PDE1A: variants seen among roughly 807,000 people sequenced by gnomAD.
The protein encoded by PDE1A is phosphodiesterase 1A.
Under a neutral mutation model 61.7 loss-of-function variants are expected in PDE1A, and 35 were observed. The ratio of observed to expected loss-of-function variants is 0.57; its 90% CI spans 0.43 to 0.75. The LOEUF is 0.75. Among genes scored for constraint, PDE1A ranks in the 30% least tolerant of loss-of-function variants. PDE1A has a pLI of 0.00. For synonymous variants in PDE1A, 232 were observed against 213.2 expected (o/e 1.09, Z -0.77); for missense variants, 597 against 630.6 (o/e 0.95, Z 0.57).
chr2:182,372,279 C>T (rs1700163590), intron 1 of PDE1A, among the ~76,000 whole-genome samples: 1 of 152,142 alleles, frequency 6.6e-6, no homozygotes, highest in African/African-American at 2.4e-5. Context: ...TTGTGTTTGA[C>T]ATTACATAGG....
intron 7 of PDE1A, among the ~76,000 whole-genome samples, chr2:182,210,869 G>GTGAC (rs1440378508): frequency 6.6e-6 from 1 of 151,034 alleles, no homozygotes; most frequent in East Asian, 1.9e-4. Context: ...TTATGCTGAT[G>GTGAC]TGACAGAATA....
intron 1 of PDE1A, among the ~76,000 whole-genome samples, chr2:182,343,874 T>A (rs200252863): frequency 0.022 from 1 of 46 alleles, no homozygotes; most frequent in African/African-American, 0.023. Context: ...TTTCTTTTTC[T>A]TTTTTTTTTT....
At chr2:182,444,406 C>G (rs1369227769) in intron 2 of PDE1A, among the ~76,000 whole-genome samples, 1 of 152,066 alleles carries the variant, frequency 6.6e-6, no homozygotes, top group Non-Finnish European at 1.5e-5. Flanking sequence ...AGCACTTATA[C>G]TTCTTTTCAT....
intron 2 of PDE1A, among the ~76,000 whole-genome samples, chr2:182,508,904 C>T (rs1357343892): frequency 6.6e-6 from 1 of 150,548 alleles, no homozygotes; most frequent in Non-Finnish European, 1.5e-5. Flanking sequence ...TGGTGCACTG[C>T]ACCCACTAAC....
chr2:182,505,124 G>T (rs1158309260), intron 2 of PDE1A, among the ~76,000 whole-genome samples: 1 of 152,168 alleles, frequency 6.6e-6, no homozygotes, highest in Non-Finnish European at 1.5e-5. Context: ...CACTCACTAA[G>T]AATTCTCCAG....
chr2:182,328,033 T>C (rs968821384), intron 1 of PDE1A, among the ~76,000 whole-genome samples: 1 of 152,134 alleles, frequency 6.6e-6, no homozygotes, highest in Non-Finnish European at 1.5e-5. Context: ...TATGCGAATA[T>C]AGGTGCTGTT....
intron 2 of PDE1A, among the ~76,000 whole-genome samples, chr2:182,249,807 T>C (rs1460670884): frequency 1.3e-5 from 2 of 148,592 alleles, no homozygotes; most frequent in Admixed American, 6.9e-5. Context: ...GCTTCAGAAC[T>C]GTTTGAGGAT....
intron 1 of PDE1A, among the ~76,000 whole-genome samples, chr2:182,352,080 A>T (rs1014446110): frequency 1.3e-5 from 2 of 152,196 alleles, no homozygotes; most frequent in Non-Finnish European, 2.9e-5. Flanking sequence ...CCGTGTGTGC[A>T]CCAAGACTGT....
At chr2:182,606,627 G>A in the PDE1A span, among the ~76,000 whole-genome samples, 4 of 151,980 alleles carry the variant, frequency 2.6e-5, no homozygotes, top group Non-Finnish European at 5.9e-5. Context: ...AGAAAAAGAA[G>A]ACAGGAAATA....
At chr2:182,473,118 C>T (rs186407189) in intron 2 of PDE1A, among the ~76,000 whole-genome samples, 8 of 151,784 alleles carry the variant, frequency 5.3e-5, no homozygotes, top group African/African-American at 1.4e-4. Context: ...TCCCTCCCCC[C>T]TCAACCCCAC....
chr2:182,419,813 CT>C (rs1703160865), intron 1 of PDE1A, among the ~76,000 whole-genome samples: 2 of 152,238 alleles, frequency 1.3e-5, no homozygotes, highest in South Asian at 4.1e-4. Flanking sequence ...CCATATCCTA[CT>C]TCACATATTT....
intron 10 of PDE1A, among the ~76,000 whole-genome samples, chr2:182,191,367 A>T (rs1048905582): frequency 1.3e-5 from 2 of 152,130 alleles, no homozygotes; most frequent in Admixed American, 6.5e-5. Context: ...TGCAAGAATA[A>T]TGTCATCAAT....
the PDE1A span, among the ~76,000 whole-genome samples, chr2:182,622,876 A>G: frequency 6.6e-6 from 1 of 152,222 alleles, no homozygotes; most frequent in Non-Finnish European, 1.5e-5. Context: ...GGACATATTC[A>G]GAGATGGAGT....
intron 1 of PDE1A, among the ~76,000 whole-genome samples, chr2:182,405,219 G>A (rs1285371445): frequency 6.6e-6 from 1 of 152,082 alleles, no homozygotes; most frequent in Non-Finnish European, 1.5e-5. Context: ...ATGACTCAGT[G>A]GCAAAGCCCT....
At chr2:182,350,748 G>C (rs1348547951) in intron 1 of PDE1A, among the ~76,000 whole-genome samples, 2 of 152,104 alleles carry the variant, frequency 1.3e-5, no homozygotes, top group Non-Finnish European at 2.9e-5. Flanking sequence ...CTCATCTGTA[G>C]AGTGGGGCAT....
intron 10 of PDE1A, among the ~76,000 whole-genome samples, chr2:182,198,369 C>T (rs1006062085): frequency 4.6e-5 from 7 of 151,764 alleles, no homozygotes; most frequent in Non-Finnish European, 1.0e-4. Context: ...TTATTACCTT[C>T]CTACACTGGC....
At chr2:182,522,229 A>G (rs1328656353) in intron 2 of PDE1A, 2 of 1,493,552 alleles carry the variant, frequency 1.3e-6, no homozygotes, top group Non-Finnish European at 1.9e-6. Flanking sequence ...AGTCACGTTA[A>G]TAGTCAAATC....
chr2:182,302,087 T>G (rs1257104292), intron 1 of PDE1A, among the ~76,000 whole-genome samples: 1 of 152,216 alleles, frequency 6.6e-6, no homozygotes, highest in Non-Finnish European at 1.5e-5. Context: ...GTGAAGTTAA[T>G]GGAGGCAACA....
At chr2:182,277,051 G>A (rs962787781) in intron 1 of PDE1A, among the ~76,000 whole-genome samples, 3 of 152,028 alleles carry the variant, frequency 2.0e-5, no homozygotes, top group Non-Finnish European at 4.4e-5. Context: ...AGACCCTCAT[G>A]AGTAATTCTA....
Sources: allele counts gnomAD v4.1 joint callset (sites outside exome capture counted in the v4.1 genomes callset), GRCh38; gene constraint gnomAD v4.1.1; transcripts MANE v1.5; gene names NCBI Gene and HGNC (gene_info 2026-07-23, HGNC 2026-07-21).